VAT1L: variants seen among roughly 807,000 people sequenced by gnomAD.
VAT1L encodes the protein putative NADPH-dependent quinone oxidoreductase VAT1L.
A neutral mutation model predicts 44.1 loss-of-function variants in VAT1L; 34 were observed. That is an observed-to-expected ratio of 0.77 (90% confidence interval 0.59 to 1.03). The LOEUF (loss-of-function observed/expected upper bound fraction) is 1.03. Ranked by LOEUF, VAT1L falls within the 50% of genes least tolerant of loss-of-function variation. The probability of loss-of-function intolerance (pLI) is 0.00; values close to 1 mark genes in which losing one functional copy is unlikely to be tolerated. For synonymous variants in VAT1L, 253 were observed against 202.2 expected (o/e 1.25, Z -2.13); for missense variants, 615 against 538.8 (o/e 1.14, Z -1.40).
intron 7 of VAT1L, among the ~76,000 whole-genome samples, chr16:77,959,929 T>C (rs1296171648): frequency 6.6e-6 from 1 of 152,104 alleles, no homozygotes; most frequent in Non-Finnish European, 1.5e-5. Flanking sequence ...CCCAAGGCCA[T>C]TGGCTTTTTT....
intron 8 of VAT1L, among the ~76,000 whole-genome samples, chr16:77,973,057 A>G (rs1237861851): frequency 1.3e-5 from 2 of 151,870 alleles, no homozygotes; most frequent in Non-Finnish European, 2.9e-5. Context: ...ATAGCATGTC[A>G]AACTCACATC....
At chr16:77,799,870 C>T (rs2016015624) in intron 1 of VAT1L, among the ~76,000 whole-genome samples, 1 of 152,180 alleles carries the variant, frequency 6.6e-6, no homozygotes, top group South Asian at 2.1e-4. Context: ...GGAATTTTCT[C>T]TGTGATCAGT....
At chr16:77,838,266 G>A (rs2016662116) in intron 3 of VAT1L, among the ~76,000 whole-genome samples, 1 of 152,180 alleles carries the variant, frequency 6.6e-6, no homozygotes, top group African/African-American at 2.4e-5. Context: ...GGCCACAGTT[G>A]CTTTTCAGAT....
chr16:77,954,290 A>G (rs2018077632), intron 7 of VAT1L, among the ~76,000 whole-genome samples: 1 of 152,164 alleles, frequency 6.6e-6, no homozygotes, highest in Admixed American at 6.5e-5. Context: ...ATGCCAGGAT[A>G]TTTAAGTCAA....
At chr16:77,905,931 C>A (rs1262164247) in intron 7 of VAT1L, among the ~76,000 whole-genome samples, 1 of 152,144 alleles carries the variant, frequency 6.6e-6, no homozygotes, top group Non-Finnish European at 1.5e-5. Flanking sequence ...TAATTTTTTA[C>A]TTTTCCTTGA....
At chr16:77,946,422 T>G (rs896659006) in intron 7 of VAT1L, among the ~76,000 whole-genome samples, 1 of 151,680 alleles carries the variant, frequency 6.6e-6, no homozygotes, top group Non-Finnish European at 1.5e-5. Context: ...TAGCTGGGAC[T>G]ATAGGCACCC....
At chr16:77,902,972 G>GAAAAAAAAAAA (rs11307214) in intron 7 of VAT1L, among the ~76,000 whole-genome samples, 1 of 96,384 alleles carries the variant, frequency 1.0e-5, no homozygotes, top group Non-Finnish European at 2.0e-5. Context: ...GACTCTGTCT[G>GAAAAAAAAAAA]AAAAAAAAAA....
intron 3 of VAT1L, among the ~76,000 whole-genome samples, chr16:77,839,546 A>G: frequency 9.4e-6 from 1 of 106,872 alleles, no homozygotes; most frequent in African/African-American, 3.1e-5. Flanking sequence ...AAAAAAAAAA[A>G]AAAAAAAAAA....
At chr16:77,963,314 G>C (rs1370826621) in intron 7 of VAT1L, among the ~76,000 whole-genome samples, 3 of 152,150 alleles carry the variant, frequency 2.0e-5, no homozygotes, top group Admixed American at 6.5e-5. Flanking sequence ...AGGAGGGTGA[G>C]AGTCAGAGAG....
Position 77,884,558 on chromosome 16 carries a change from C to A in VAT1L, c.883-50C>A. On this transcript the variant is annotated intron_variant, in intron 6 of 8. Coordinates refer to ENST00000302536, the MANE Select transcript of VAT1L (RefSeq NM_020927.3). The surrounding 1 kb of genome is among the most constrained non-coding windows in gnomAD (Gnocchi z 4.5). ...ACATCAGCAATGCTGCCAATGTAGG[C>A]TTAACCCCGGTATTGAGTTCCTATA... The A allele has an allele frequency of 6.4e-7, 1 of 1,570,302 alleles. No individual in the cohort carries two copies.
At chr16:77,794,856 G>A (rs2015899766) in intron 1 of VAT1L, among the ~76,000 whole-genome samples, 1 of 152,082 alleles carries the variant, frequency 6.6e-6, no homozygotes. Flanking sequence ...TGCTAGCTCG[G>A]GTCATTTTTA....
chr16:77,902,939 C>T (rs1282342586), intron 7 of VAT1L, among the ~76,000 whole-genome samples: 1 of 146,056 alleles, frequency 6.8e-6, no homozygotes, highest in Non-Finnish European at 1.5e-5. Flanking sequence ...AGCCACTGCA[C>T]TCCGGCCTGG....
At chr16:77,909,523 GC>G (rs532477174) in intron 7 of VAT1L, among the ~76,000 whole-genome samples, 21 of 151,126 alleles carry the variant, frequency 1.4e-4, no homozygotes, top group Non-Finnish European at 2.5e-4. Context: ...TCTAATCCCA[GC>G]TACTTGGGAG....
intron 7 of VAT1L, among the ~76,000 whole-genome samples, chr16:77,918,065 G>C (rs955558393): frequency 1.3e-5 from 2 of 152,200 alleles, no homozygotes; most frequent in African/African-American, 4.8e-5. Context: ...AAAAGAAACA[G>C]TTTGAAGAAT....
rs543318186 is a variant in VAT1L at position 77,921,420 on chromosome 16, C to T, written c.1077+36618C>T. Among the ~76,000 whole-genome samples, 5 of 152,268 alleles carry T rather than the reference C, an allele frequency of 3.3e-5. No homozygotes were observed. In the East Asian group the frequency reaches 9.6e-4, roughly 29 times the overall value. ...GAAGTGACTCTCCTTTAGGAGAACC[C>T]ATGGAAGAAATACATCCAGTGGGAG... On this transcript the variant is annotated intron_variant, in intron 7 of 8. Coordinates refer to ENST00000302536, the MANE Select transcript of VAT1L (RefSeq NM_020927.3).
At chr16:77,899,393 T>C (rs1379233191) in intron 7 of VAT1L, among the ~76,000 whole-genome samples, 1 of 152,220 alleles carries the variant, frequency 6.6e-6, no homozygotes, top group Admixed American at 6.5e-5. Flanking sequence ...ACACCCTGGT[T>C]CATCAGTTCC....
At position 77,884,458 on chromosome 16, in the gene VAT1L, A is replaced by G; in HGVS notation, c.883-150A>G. The G allele has an allele frequency of 1.7e-6, 1 of 576,570 alleles. No individual in the cohort carries two copies. The allele number at this position is 576,570 out of a possible 1,614,324, so 35.7% of individuals were successfully genotyped here. Reference sequence around the variant, plus strand: ...AATAAAAAATAAAATAAAAAAATACACCACCAAGAGCAACCCCTTGGCCAG... The same window carrying G: ...AATAAAAAATAAAATAAAAAAATACGCCACCAAGAGCAACCCCTTGGCCAG... On this transcript the variant is annotated intron_variant, in intron 6 of 8. Coordinates refer to ENST00000302536, the MANE Select transcript of VAT1L (RefSeq NM_020927.3). This position sits in a 1 kb window ranked among gnomAD's most constrained non-coding sequence, Gnocchi z 4.5.
chr16:77,960,538 A>G (rs1435436591), intron 7 of VAT1L, among the ~76,000 whole-genome samples: 1 of 152,198 alleles, frequency 6.6e-6, no homozygotes, highest in Non-Finnish European at 1.5e-5. Flanking sequence ...AGGCATAGCT[A>G]CTTCCAGAGA....
intron 7 of VAT1L, among the ~76,000 whole-genome samples, chr16:77,946,276 G>GTTATTTTTTTTT (rs1597114758): frequency 3.0e-5 from 1 of 33,876 alleles, no homozygotes; most frequent in Non-Finnish European, 5.7e-5. Flanking sequence ...TAGGTTACTT[G>GTTATTTTTTTTT]TTCTTTTTTT....
Sources: allele counts gnomAD v4.1 joint callset (sites outside exome capture counted in the v4.1 genomes callset), GRCh38; gene constraint gnomAD v4.1.1; non-coding constraint Gnocchi (gnomAD v3.1); transcripts MANE v1.5; gene names NCBI Gene and HGNC (gene_info 2026-07-23, HGNC 2026-07-21).